TLN2: variants seen among roughly 807,000 people sequenced by gnomAD.
TLN2 encodes the protein talin 2, also known as talin-2.
Under a neutral mutation model 294.7 loss-of-function variants are expected in TLN2, and 118 were observed. That is an observed-to-expected ratio of 0.40 (90% confidence interval 0.34 to 0.47). The LOEUF is 0.47. TLN2 is among the 20% of genes least tolerant of loss of function. The pLI is 0.84. For synonymous variants in TLN2, 1,431 were observed against 1,304.5 expected (o/e 1.10, Z -2.09); for missense variants, 3,083 against 3,282.2 (o/e 0.94, Z 1.48).
At chr15:62,517,059 TGG>T (rs1313957222) in intron 1 of TLN2, among the ~76,000 whole-genome samples, 1 of 152,210 alleles carries the variant, frequency 6.6e-6, no homozygotes, top group Non-Finnish European at 1.5e-5. Context: ...TGAAGATCAG[TGG>T]ATACGGATGA....
chr15:62,428,342 A>G (rs1165820523), intron 1 of TLN2, among the ~76,000 whole-genome samples: 1 of 152,138 alleles, frequency 6.6e-6, no homozygotes, highest in Non-Finnish European at 1.5e-5. Context: ...TCCAACTAGA[A>G]GCTTATTTTG....
In TLN2 at chr15:62,757,638, CTT is replaced by C. The variant is rs545652285; in HGVS notation, c.4638+1947_4638+1948del. On this transcript the variant is annotated intron_variant, in intron 37 of 58. Coordinates refer to ENST00000636159, the MANE Select transcript of TLN2 (RefSeq NM_015059.3). ...GATTCTCCTCACAGTGTCAAACCCT[CTT>C]TGCGATTCCCTGCAGCAAATGAGCT... is the stretch of plus-strand genomic sequence containing the variant. Among the ~76,000 whole-genome samples, 8 of 152,296 alleles carry C rather than the reference CTT, an allele frequency of 5.3e-5. No individual in the cohort carries two copies. In the East Asian group the frequency reaches 1.4e-3, roughly 26 times the overall value.
At chr15:62,722,191 G>A (rs2060189643) in intron 25 of TLN2, among the ~76,000 whole-genome samples, 162 bp from the exon 26 acceptor site, 1 of 151,960 alleles carries the variant, frequency 6.6e-6, no homozygotes, top group Non-Finnish European at 1.5e-5. Flanking sequence ...TAGAGTATCT[G>A]GCTTGAGGTG....
intron 3 of TLN2, among the ~76,000 whole-genome samples, chr15:62,642,418 G>A (rs2051225880): frequency 6.6e-6 from 1 of 152,240 alleles, no homozygotes; most frequent in African/African-American, 2.4e-5. Context: ...TAACCTCAGA[G>A]TCTGCACCAT....
intron 11 of TLN2, among the ~76,000 whole-genome samples, chr15:62,677,387 G>T (rs1370951826): frequency 6.6e-6 from 1 of 152,200 alleles, no homozygotes; most frequent in African/African-American, 2.4e-5. Flanking sequence ...TCAGTGACGT[G>T]CTAAAAAACT....
In TLN2 at chr15:62,702,847, A is replaced by C. The variant is rs952484683; in HGVS notation, c.1987A>C (p.Thr663Pro). Residue 663 changes from threonine (T) to proline (P), a missense_variant, in exon 19 of 59, where the codon ACT becomes CCT. Transcript: ENST00000636159. The stretch of plus-strand genomic sequence containing the variant: ...TCTGAGACAGATTGGAGAGAATGAG[A>C]CTGATGAGCGATTCCAGGTAAGATA... ...DLLRQIGENE[T>P]DERFQDVLMS... 7 of 1,614,162 alleles carry C rather than the reference A, an allele frequency of 4.3e-6. No homozygotes were observed. The East Asian group carries it at 1.6e-4, about 36-fold the overall frequency.
chr15:62,698,843 G>C lies in TLN2; in HGVS notation c.1563G>C (p.Ser521=). 2 of 1,612,710 alleles carry C rather than the reference G, an allele frequency of 1.2e-6. No individual in the cohort carries two copies. Among genetic ancestry groups the C allele is most frequent in the Non-Finnish European group, 1.7e-6 (2 of 1,179,966 alleles). The change falls in exon 16 of 59, where the codon TCG becomes TCC. Residue 521 remains serine (S), a synonymous_variant. Transcript: ENST00000636159. ...AGGATGATCTCAGTGAGCTCGACTC[G>C]CTGCCACCTCTCGGCCAGGATATGG... The part of the protein sequence containing the change: ...QAQDDLSELD[S]LPPLGQDMAS...
At chr15:62,464,573 TAAA>T (rs548638657) in intron 1 of TLN2, among the ~76,000 whole-genome samples, 3 of 146,976 alleles carry the variant, frequency 2.0e-5, no homozygotes, top group African/African-American at 7.5e-5. Context: ...AAAGTATATT[TAAA>T]AAAAAAAAAG....
intron 1 of TLN2, among the ~76,000 whole-genome samples, chr15:62,515,375 G>A (rs2040136564): frequency 6.6e-6 from 1 of 152,154 alleles, no homozygotes; most frequent in Non-Finnish European, 1.5e-5. Context: ...ACTGTCACTG[G>A]AAATTTGCAT....
chr15:62,779,401 A>G (rs1258895660), intron 43 of TLN2, among the ~76,000 whole-genome samples: 1 of 152,254 alleles, frequency 6.6e-6, no homozygotes, highest in South Asian at 2.1e-4. Context: ...AAACTGTGCC[A>G]TCTACATCAC....
intron 45 of TLN2, among the ~76,000 whole-genome samples, chr15:62,787,832 C>T (rs2064802119): frequency 6.7e-6 from 1 of 149,386 alleles, no homozygotes; most frequent in Non-Finnish European, 1.5e-5. Context: ...GCTGAGATTA[C>T]AGGCACCCAC....
intron 9 of TLN2, among the ~76,000 whole-genome samples, chr15:62,668,355 C>G (rs2054979514): frequency 6.6e-6 from 1 of 151,988 alleles, no homozygotes; most frequent in South Asian, 2.1e-4. Context: ...AATAAAATAA[C>G]AAAATTGCAA....
intron 1 of TLN2, among the ~76,000 whole-genome samples, chr15:62,548,954 C>A (rs540663853): frequency 6.6e-6 from 1 of 152,276 alleles, no homozygotes; most frequent in African/African-American, 2.4e-5. Flanking sequence ...GGAGTTATTA[C>A]TGTATCTGTC....
intron 52 of TLN2, among the ~76,000 whole-genome samples, chr15:62,819,228 T>G (rs1180565694): frequency 6.6e-6 from 1 of 152,168 alleles, no homozygotes; most frequent in African/African-American, 2.4e-5. Flanking sequence ...AAAGGACAAA[T>G]GAAGGTCCAA....
chr15:62,740,261 A>G (rs1322070538), intron 31 of TLN2, among the ~76,000 whole-genome samples: 1 of 151,626 alleles, frequency 6.6e-6, no homozygotes, highest in Non-Finnish European at 1.5e-5. Context: ...CTCCTTGACA[A>G]CTCCAGCATT....
intron 14 of TLN2, among the ~76,000 whole-genome samples, chr15:62,696,873 C>T (rs953999557): frequency 5.3e-5 from 8 of 152,112 alleles, no homozygotes; most frequent in African/African-American, 1.9e-4. Context: ...CCTGAGGACC[C>T]GAGGGAGGGG....
At chr15:62,623,062 G>C (rs1377385636) in intron 3 of TLN2, among the ~76,000 whole-genome samples, 2 of 152,212 alleles carry the variant, frequency 1.3e-5, no homozygotes, top group African/African-American at 4.8e-5. Context: ...TCATGGTGTA[G>C]TCACTAAGTG....
At chr15:62,652,243 C>G (rs2052672934) in intron 6 of TLN2, 109 bp downstream of exon 6, 5 of 1,250,248 alleles carry the variant, frequency 4.0e-6, no homozygotes, top group South Asian at 2.6e-5. Flanking sequence ...TGTGTCTTAA[C>G]ACGCCGAGTT....
intron 11 of TLN2, among the ~76,000 whole-genome samples, chr15:62,685,106 T>C (rs1012042342): frequency 6.6e-6 from 1 of 151,774 alleles, no homozygotes; most frequent in African/African-American, 2.4e-5. Flanking sequence ...CATGAAAAAA[T>C]AATACAAAAC....
Sources: allele counts gnomAD v4.1 joint callset (sites outside exome capture counted in the v4.1 genomes callset), GRCh38; gene constraint gnomAD v4.1.1; transcripts MANE v1.5; gene names NCBI Gene and HGNC (gene_info 2026-07-23, HGNC 2026-07-21).